Variants in IL1R1 observed in about 807,000 individuals in gnomAD.
IL1R1 encodes interleukin-1 receptor type 1.
IL1R1 carries 22 observed loss-of-function variants against 50.2 expected under a neutral mutation model. The observed-to-expected ratio is 0.44, with a 90% CI of 0.31 to 0.63. The LOEUF (loss-of-function observed/expected upper bound fraction) is 0.63, where lower values mean the gene tolerates loss of function less well. Among genes scored for constraint, IL1R1 ranks in the 20% least tolerant of loss-of-function variants. IL1R1 has a pLI of 0.07. For missense variants in IL1R1, 509 were observed against 676.2 expected (o/e 0.75, Z 2.74); for synonymous variants, 251 against 236.7 (o/e 1.06, Z -0.55).
At chr2:102,090,985 C>T (rs1438484781) in intron 1 of IL1R1, among the ~76,000 whole-genome samples, 1 of 152,138 alleles carries the variant, frequency 6.6e-6, no homozygotes, top group Non-Finnish European at 1.5e-5. Context: ...CTCAGTCCAA[C>T]CAGAATTTTC....
chr2:102,100,068 G>A (rs995377985), upstream of IL1R1, among the ~76,000 whole-genome samples: 8 of 152,248 alleles, frequency 5.3e-5, no homozygotes, highest in East Asian at 1.5e-3. Flanking sequence ...TGGCCTCGAG[G>A]CATTCTCCTT....
intron 1 of IL1R1, among the ~76,000 whole-genome samples, chr2:102,072,453 T>A (rs193160601): frequency 8.5e-5 from 13 of 152,320 alleles, no homozygotes; most frequent in Non-Finnish European, 1.6e-4. Flanking sequence ...CCTGGTTTCT[T>A]ATACCTCACT....
chr2:102,175,769 C>G, intron 11 of IL1R1, 124 bp downstream of exon 11: 1 of 834,020 alleles, frequency 1.2e-6, no homozygotes, highest in South Asian at 1.4e-5. Context: ...AGAACCTCTT[C>G]AGAAGTGTAT....
At position 102,165,003 on chromosome 2, in the gene IL1R1, G is replaced by A; in HGVS notation, c.291G>A (p.Val97=). The A allele has an allele frequency of 6.2e-7, 1 of 1,611,618 alleles. No homozygotes were observed. Among genetic ancestry groups the A allele is most frequent in the Non-Finnish European group, 8.5e-7 (1 of 1,178,390 alleles). Residue 97 remains valine, a synonymous_variant, in exon 4 of 12, where the codon GTG becomes GTA. Transcript: ENST00000410023. ...AGGATTCAGGACATTACTATTGCGT[G>A]GTAAGGTAAGAGAGGAATTAGTATG... ...KVEDSGHYYC[V]VRNSSYCLRI...
At chr2:102,175,951 GT>G (rs1175513037) in intron 11 of IL1R1, 2 of 492,910 alleles carry the variant, frequency 4.1e-6, no homozygotes, top group African/African-American at 3.9e-5. Flanking sequence ...TGAATAATAA[GT>G]TTTTAAAATT....
chr2:102,164,706 T>A (rs3917285), intron 3 of IL1R1, 68 bp from the exon 4 acceptor site: 78,732 of 969,266 alleles, frequency 0.081, 3,978 homozygotes, highest in Non-Finnish European at 0.096. Flanking sequence ...TGTTTCTTCG[T>A]AGATATTAAA....
chr2:102,149,431 T>C (rs529125044), intron 1 of IL1R1, among the ~76,000 whole-genome samples: 42 of 152,358 alleles, frequency 2.8e-4, no homozygotes, highest in Middle Eastern at 3.4e-3. Context: ...TGTTCTCTCC[T>C]CTTGGGCCTC....
Position 102,153,931 on chromosome 2 carries a change from C to T in IL1R1, c.-83-10C>T, listed in dbSNP as rs202004679. The stretch of plus-strand genomic sequence containing the variant: ...ATTCACACTTCACTCATGTGTTCTT[C>T]CTTCCCCAGGTAGACGCACCCTCTG... On this transcript the variant is annotated splice_polypyrimidine_tract_variant and intron_variant, in intron 1 of 11. Coordinates refer to ENST00000410023, the MANE Select transcript of IL1R1 (RefSeq NM_000877.4). The T allele has an allele frequency of 6.6e-6, 1 of 152,322 alleles. No individual in the cohort carries two copies. The highest frequency in any genetic ancestry group is 2.1e-4 in the South Asian group (1 of 4,832). The allele number at this position is 152,322 out of a possible 1,614,324, so 9.4% of individuals were successfully genotyped here. A position where few individuals can be genotyped will look rare whatever the true frequency, so the allele number is the denominator to read the frequency against.
intron 1 of IL1R1, among the ~76,000 whole-genome samples, chr2:102,076,323 G>A (rs540055130): frequency 1.8e-4 from 27 of 151,982 alleles, no homozygotes; most frequent in African/African-American, 5.5e-4. Flanking sequence ...GACTACAGGC[G>A]CCTGCCACCA....
chr2:102,120,407 G>T (rs12328681), intron 1 of IL1R1, among the ~76,000 whole-genome samples: 27,698 of 152,066 alleles, frequency 0.18, 2,655 homozygotes, highest in South Asian at 0.2. Flanking sequence ...TGTGCATTGT[G>T]TGCACGTGCC....
At chr2:102,175,982 T>A (rs1686098766) in intron 11 of IL1R1, 1 of 477,182 alleles carries the variant, frequency 2.1e-6, no homozygotes, top group South Asian at 3.1e-5. Context: ...TTTTCTGAGT[T>A]CTAAATGAAA....
intron 1 of IL1R1, among the ~76,000 whole-genome samples, chr2:102,091,486 C>A (rs192916437): frequency 6.6e-6 from 1 of 152,222 alleles, no homozygotes; most frequent in East Asian, 1.9e-4. Flanking sequence ...TCCTTTTCTT[C>A]TTTCTGAAAA....
At chr2:102,144,107 A>C (rs1031680173) in intron 1 of IL1R1, among the ~76,000 whole-genome samples, 5 of 152,192 alleles carry the variant, frequency 3.3e-5, no homozygotes, top group African/African-American at 9.7e-5. Context: ...CCAAGCGGCT[A>C]TTGGCATTGT....
chr2:102,127,766 T>A (rs138301303), intron 1 of IL1R1, among the ~76,000 whole-genome samples: 3 of 151,874 alleles, frequency 2.0e-5, no homozygotes, highest in Admixed American at 1.3e-4. Flanking sequence ...TTGGCAATAG[T>A]GATTTGGATG....
intron 1 of IL1R1, among the ~76,000 whole-genome samples, chr2:102,151,880 C>T (rs776425270): frequency 3.6e-4 from 55 of 152,282 alleles, no homozygotes; most frequent in Middle Eastern, 3.4e-3. Flanking sequence ...TGCTTATAAA[C>T]GGCAAGGTAG....
intron 1 of IL1R1, among the ~76,000 whole-genome samples, chr2:102,093,113 G>A (rs1180421124): frequency 1.3e-5 from 2 of 152,134 alleles, no homozygotes; most frequent in African/African-American, 2.4e-5. Context: ...TAGTGGAATT[G>A]CCTGTTATTC....
chr2:102,112,417 A>G (rs1680822657), intron 1 of IL1R1, among the ~76,000 whole-genome samples: 1 of 152,022 alleles, frequency 6.6e-6, no homozygotes, highest in South Asian at 2.1e-4. Flanking sequence ...CTAATGGATC[A>G]GGTTTCCATG....
At chr2:102,129,124 A>T (rs1188153812) in intron 1 of IL1R1, among the ~76,000 whole-genome samples, 1 of 151,998 alleles carries the variant, frequency 6.6e-6, no homozygotes, top group Non-Finnish European at 1.5e-5. Context: ...GGTGAGAGGA[A>T]TACTTGAGCC....
At chr2:102,093,142 G>A (rs1332949910) in intron 1 of IL1R1, among the ~76,000 whole-genome samples, 3 of 152,076 alleles carry the variant, frequency 2.0e-5, no homozygotes, top group Admixed American at 1.3e-4. Flanking sequence ...CACGTAGAAC[G>A]TTTCTGAGGA....
Sources: allele counts gnomAD v4.1 joint callset (sites outside exome capture counted in the v4.1 genomes callset), GRCh38; gene constraint gnomAD v4.1.1; transcripts MANE v1.5; gene names NCBI Gene and HGNC (gene_info 2026-07-23, HGNC 2026-07-21).